Variants in EEFSEC observed in about 807,000 individuals in gnomAD.
EEFSEC encodes eukaryotic elongation factor, selenocysteine-tRNA specific, also known as selenocysteine-specific elongation factor.
Under a neutral mutation model 42.1 loss-of-function variants are expected in EEFSEC, and 43 were observed. The observed-to-expected ratio is 1.02, with a 90% CI of 0.80 to 1.32. The LOEUF is 1.32. Ranked by LOEUF, EEFSEC falls within the 40% of genes most tolerant of loss-of-function variation. The probability of loss-of-function intolerance (pLI) is 0.00; values close to 1 mark genes in which losing one functional copy is unlikely to be tolerated. For synonymous variants in EEFSEC, 354 were observed against 339.1 expected, an observed-to-expected ratio of 1.04 and a Z score of -0.48; for missense variants, 745 against 803.6, an observed-to-expected ratio of 0.93 and a Z score of 0.88.
intron 4 of EEFSEC, among the ~76,000 whole-genome samples, chr3:128,279,170 A>ATCTCC (rs1270892562): frequency 6.6e-6 from 1 of 152,184 alleles, no homozygotes; most frequent in Non-Finnish European, 1.5e-5. Context: ...AGTGGCGGCC[A>ATCTCC]TCTCCCGCCC....
At chr3:128,167,970 G>A (rs1353846643) in intron 1 of EEFSEC, among the ~76,000 whole-genome samples, 1 of 152,126 alleles carries the variant, frequency 6.6e-6, no homozygotes, top group African/African-American at 2.4e-5. Flanking sequence ...TTTAACCTTG[G>A]GGTTTCTTTT....
At chr3:128,338,282 C>T (rs1424675596) in intron 4 of EEFSEC, among the ~76,000 whole-genome samples, 2 of 152,154 alleles carry the variant, frequency 1.3e-5, no homozygotes, top group Admixed American at 6.5e-5. Flanking sequence ...TTCAAGGCAG[C>T]GGCACCCTCC....
chr3:128,343,924 C>T (rs2067283870), intron 5 of EEFSEC, among the ~76,000 whole-genome samples: 1 of 152,236 alleles, frequency 6.6e-6, no homozygotes, highest in Non-Finnish European at 1.5e-5. Context: ...ATATAGACAA[C>T]CCTGAGCAGA....
intron 1 of EEFSEC, among the ~76,000 whole-genome samples, chr3:128,212,120 C>G (rs1036753377): frequency 6.6e-6 from 1 of 152,128 alleles, no homozygotes; most frequent in African/African-American, 2.4e-5. Flanking sequence ...CTCGGCCTCC[C>G]AAAGTGCTGG....
At chr3:128,211,759 GCCTGCCTCAGCCTCCCAA>G (rs1161755995) in intron 1 of EEFSEC, among the ~76,000 whole-genome samples, 1 of 149,874 alleles carries the variant, frequency 6.7e-6, no homozygotes, top group East Asian at 2.0e-4. Flanking sequence ...CAGGCAATTT[GCCTGCCTCAGCCTCCCAA>G]CATGCTAGGA....
At chr3:128,395,792 G>A (rs1326460484) in intron 6 of EEFSEC, among the ~76,000 whole-genome samples, 5 of 152,206 alleles carry the variant, frequency 3.3e-5, no homozygotes, top group Non-Finnish European at 7.3e-5. Flanking sequence ...GAGACACAAT[G>A]ATACAGCACC....
chr3:128,162,064 T>C (rs2065195039), intron 1 of EEFSEC, among the ~76,000 whole-genome samples: 2 of 152,198 alleles, frequency 1.3e-5, no homozygotes, highest in South Asian at 4.1e-4. Context: ...TGTGAAATTG[T>C]GGTAATTATG....
At chr3:128,284,130 C>T (rs1219936081) in intron 4 of EEFSEC, among the ~76,000 whole-genome samples, 3 of 152,206 alleles carry the variant, frequency 2.0e-5, no homozygotes, top group Non-Finnish European at 2.9e-5. Context: ...CTCCACCCCC[C>T]ACACAACCTG....
intron 4 of EEFSEC, among the ~76,000 whole-genome samples, chr3:128,265,616 A>G (rs142076567): frequency 4.3e-4 from 65 of 152,344 alleles, no homozygotes; most frequent in Non-Finnish European, 7.2e-4. Flanking sequence ...GAAGGAGCCT[A>G]CAGTGCAGGG....
chr3:128,390,295 T>C (rs1477537249), intron 6 of EEFSEC, among the ~76,000 whole-genome samples: 3 of 152,202 alleles, frequency 2.0e-5, no homozygotes, highest in African/African-American at 7.2e-5. Context: ...GTGTACTATA[T>C]AGAGGAGGTG....
intron 1 of EEFSEC, among the ~76,000 whole-genome samples, chr3:128,232,177 C>T (rs563714773): frequency 5.9e-5 from 9 of 151,986 alleles, no homozygotes; most frequent in South Asian, 4.2e-4. Flanking sequence ...AATAAAGATT[C>T]GGAGGAAAAG....
chr3:128,206,868 A>C (rs559779684), intron 1 of EEFSEC, among the ~76,000 whole-genome samples: 91 of 152,276 alleles, frequency 6.0e-4, no homozygotes, highest in African/African-American at 2.1e-3. Context: ...CGGAGACAGA[A>C]TAAGCCCAGG....
intron 5 of EEFSEC, among the ~76,000 whole-genome samples, chr3:128,344,200 G>A (rs925492462): frequency 6.6e-6 from 1 of 152,204 alleles, no homozygotes; most frequent in African/African-American, 2.4e-5. Context: ...TGGGCCCCAG[G>A]GCAGGAATGA....
At chr3:128,183,968 AG>A (rs533269742) in intron 1 of EEFSEC, among the ~76,000 whole-genome samples, 33 of 152,338 alleles carry the variant, frequency 2.2e-4, no homozygotes, top group African/African-American at 7.0e-4. Context: ...GACCACCAGC[AG>A]GAACAGCAGT....
At chr3:128,220,518 T>TC (rs1244277703) in intron 1 of EEFSEC, among the ~76,000 whole-genome samples, 1 of 151,922 alleles carries the variant, frequency 6.6e-6, no homozygotes, top group Non-Finnish European at 1.5e-5. Context: ...CTGGCCTGCT[T>TC]CCCCCCATTC....
chr3:128,211,848 CTTTTTTTTTTTTTTTTT>C, intron 1 of EEFSEC, among the ~76,000 whole-genome samples: 1 of 51,702 alleles, frequency 1.9e-5, no homozygotes, highest in South Asian at 1.1e-3. Context: ...TTTTTCTTTT[CTTTTTTTTTTTTTTTTT>C]TTTTTTTTTT....
chr3:128,249,241 C>T (rs1015990343), intron 2 of EEFSEC, among the ~76,000 whole-genome samples: 4 of 151,990 alleles, frequency 2.6e-5, no homozygotes, highest in Non-Finnish European at 5.9e-5. Context: ...TTTTTCTGTC[C>T]AAAGAGTAAC....
chr3:128,155,648 C>G (rs747321796), intron 1 of EEFSEC, among the ~76,000 whole-genome samples: 1 of 152,190 alleles, frequency 6.6e-6, no homozygotes, highest in East Asian at 1.9e-4. Context: ...ATTCTGTATG[C>G]CACACATGGG....
intron 2 of EEFSEC, among the ~76,000 whole-genome samples, chr3:128,257,804 C>A (rs994295897): frequency 6.6e-6 from 1 of 152,152 alleles, no homozygotes; most frequent in East Asian, 1.9e-4. Context: ...AAGTACTCAC[C>A]TCTTGAGCGT....
Sources: gnomAD v4.1 joint callset for allele counts (sites outside exome capture counted in the v4.1 genomes callset) on GRCh38, gnomAD v4.1.1 for gene constraint, MANE v1.5 for transcripts, NCBI Gene and HGNC (gene_info 2026-07-23, HGNC 2026-07-21) for gene names.